Variants in SMYD3 observed in about 807,000 individuals in gnomAD.
The protein encoded by SMYD3 is SET and MYND domain containing 3.
In SMYD3, 36 loss-of-function variants were observed where a neutral mutation model predicts 57.7. The ratio of observed to expected loss-of-function variants is 0.62; its 90% CI spans 0.48 to 0.82. The LOEUF is 0.82. SMYD3 is among the 40% of genes least tolerant of loss of function. SMYD3 has a pLI of 0.00. For synonymous variants in SMYD3, 211 were observed against 195.0 expected (o/e 1.08, Z -0.68); for missense variants, 515 against 538.8 (o/e 0.96, Z 0.44).
chr1:246,311,195 A>G (rs2065070023), intron 5 of SMYD3, among the ~76,000 whole-genome samples: 1 of 152,220 alleles, frequency 6.6e-6, no homozygotes, highest in South Asian at 2.1e-4. Context: ...CCAATAAACT[A>G]AAAGATAATT....
intron 5 of SMYD3, among the ~76,000 whole-genome samples, chr1:246,019,226 G>C (rs1249307904): frequency 6.6e-6 from 1 of 152,088 alleles, no homozygotes; most frequent in Non-Finnish European, 1.5e-5. Flanking sequence ...GACTGGGTAG[G>C]AAAGTATGAT....
intron 5 of SMYD3, among the ~76,000 whole-genome samples, chr1:246,143,865 G>A (rs2061801965): frequency 6.6e-6 from 1 of 152,054 alleles, no homozygotes; most frequent in Non-Finnish European, 1.5e-5. Context: ...CTCACAGAAG[G>A]GCACAGGATC....
chr1:246,093,339 C>T (rs547117485), intron 5 of SMYD3, among the ~76,000 whole-genome samples: 10 of 152,302 alleles, frequency 6.6e-5, no homozygotes, highest in Admixed American at 6.5e-4. Flanking sequence ...CAGCACTATT[C>T]ACAACAGTCA....
chr1:246,017,252 T>A (rs1261642102), intron 5 of SMYD3, among the ~76,000 whole-genome samples: 3 of 152,166 alleles, frequency 2.0e-5, no homozygotes, highest in Non-Finnish European at 4.4e-5. Flanking sequence ...TATTTGAAAG[T>A]TAGTTGCCAA....
At chr1:246,377,786 T>G (rs1399229731) in intron 1 of SMYD3, among the ~76,000 whole-genome samples, 1 of 152,216 alleles carries the variant, frequency 6.6e-6, no homozygotes, top group African/African-American at 2.4e-5. Flanking sequence ...TATGTATTCC[T>G]AGAAGTAAAA....
chr1:246,233,794 T>A (rs71533464), intron 5 of SMYD3, among the ~76,000 whole-genome samples: 1 of 124,248 alleles, frequency 8.0e-6, no homozygotes, highest in Non-Finnish European at 1.6e-5. Flanking sequence ...CAATTCACAC[T>A]GTGATGAACA....
intron 10 of SMYD3, among the ~76,000 whole-genome samples, chr1:245,803,650 T>C (rs1203815757): frequency 1.3e-5 from 2 of 152,230 alleles, no homozygotes; most frequent in African/African-American, 4.8e-5. Context: ...AAATGCCTTC[T>C]GGAACTACTA....
Position 245,811,709 on chromosome 1 carries a change from C to A in SMYD3, c.1076+46787G>T, listed in dbSNP as rs2048481271. On this transcript the variant is annotated intron_variant, in intron 10 of 11. Transcript: ENST00000490107. ...AGATCAGTGAGGAGTGAACACATCT[C>A]TAATCACAAATGGCCAATAACCACT... Among the ~76,000 whole-genome samples, 8 of 152,306 alleles carry A rather than the reference C, an allele frequency of 5.3e-5. No individual in the cohort carries two copies. The South Asian group carries it at 1.7e-3, about 32-fold the overall frequency.
intron 10 of SMYD3, among the ~76,000 whole-genome samples, chr1:245,831,326 T>C (rs1344242256): frequency 6.6e-6 from 1 of 152,188 alleles, no homozygotes; most frequent in African/African-American, 2.4e-5. Context: ...AAGCAATTTT[T>C]CCTCATCTTC....
chr1:245,972,338 T>A (rs894498082), intron 5 of SMYD3, among the ~76,000 whole-genome samples: 3 of 152,180 alleles, frequency 2.0e-5, no homozygotes, highest in African/African-American at 7.2e-5. Flanking sequence ...CATGGCTCTA[T>A]GACAACAACA....
At position 245,915,636 on chromosome 1, in the gene SMYD3, G is replaced by T; in HGVS notation, c.707C>A (p.Thr236Asn). 9.9e-6 allele frequency: 16 copies of T among 1,611,102 alleles called. No individual in the cohort carries two copies. The highest frequency in any genetic ancestry group is 1.4e-5 in the Non-Finnish European group (16 of 1,177,268). The change falls in exon 8 of 12, where the codon ACC becomes AAC. Residue 236 changes from threonine (T) to asparagine (N), a missense_variant. Physicochemically the swap from Thr to Asn is moderately conservative, Grantham distance 65 (BLOSUM62 0). Coordinates refer to ENST00000490107, the MANE Select transcript of SMYD3 (RefSeq NM_001167740.2). ...VRDIEVGEEL[T>N]ICYLDMLMTS... ...CATCAGCATATCCAGGTAGCAGATG[G>T]TGAGCTGTGCAGGCCAGAGAGAGGG...
At chr1:246,072,288 A>AGTTCTGGGGAGGGAT (rs2060469358) in intron 5 of SMYD3, among the ~76,000 whole-genome samples, 12 of 30,458 alleles carry the variant, frequency 3.9e-4, no homozygotes, top group Admixed American at 7.8e-4. Flanking sequence ...CTGTGGATGC[A>AGTTCTGGGGAGGGAT]TCGTGTTAGT....
chr1:246,110,602 A>G (rs1160596118), intron 5 of SMYD3, among the ~76,000 whole-genome samples: 2 of 152,198 alleles, frequency 1.3e-5, no homozygotes, highest in African/African-American at 4.8e-5. Context: ...CCCCGCTGCA[A>G]GACAGACAGA....
intron 1 of SMYD3, among the ~76,000 whole-genome samples, chr1:246,421,968 T>G (rs532181850): frequency 6.6e-6 from 1 of 152,204 alleles, no homozygotes; most frequent in Non-Finnish European, 1.5e-5. Context: ...CTTTACCAGT[T>G]TGCACATTCA....
intron 1 of SMYD3, among the ~76,000 whole-genome samples, chr1:246,426,352 A>G (rs2067218113): frequency 6.6e-6 from 1 of 152,196 alleles, no homozygotes; most frequent in Non-Finnish European, 1.5e-5. Flanking sequence ...ATGTAATTTT[A>G]GAACAGTTTC....
chr1:246,030,174 C>T (rs985848248), intron 5 of SMYD3, among the ~76,000 whole-genome samples: 2 of 152,038 alleles, frequency 1.3e-5, no homozygotes, highest in Admixed American at 6.5e-5. Flanking sequence ...TCTACTTTCA[C>T]GCATGAAGCA....
chr1:245,754,696 G>C (rs964430432), intron 11 of SMYD3, among the ~76,000 whole-genome samples: 1 of 152,174 alleles, frequency 6.6e-6, no homozygotes, highest in Non-Finnish European at 1.5e-5. Context: ...TGTGTATTCC[G>C]CTGGAGGAAT....
intron 10 of SMYD3, chr1:245,814,234 G>T: frequency 3.3e-6 from 1 of 304,274 alleles, no homozygotes; most frequent in Non-Finnish European, 4.8e-6. Context: ...TGCATTTCTG[G>T]TCTACTCCTG....
intron 5 of SMYD3, among the ~76,000 whole-genome samples, chr1:246,305,078 T>C (rs2064957174): frequency 6.6e-6 from 1 of 152,206 alleles, no homozygotes; most frequent in South Asian, 2.1e-4. Flanking sequence ...TACTTTACAA[T>C]CTATTGCCTA....
Sources: gnomAD v4.1 joint callset for allele counts (sites outside exome capture counted in the v4.1 genomes callset) on GRCh38, gnomAD v4.1.1 for gene constraint, MANE v1.5 for transcripts, NCBI Gene and HGNC (gene_info 2026-07-23, HGNC 2026-07-21) for gene names.